The following PPP2R2D variants were observed in gnomAD, a reference collection of about 807,000 sequenced individuals.
The protein encoded by PPP2R2D is serine/threonine-protein phosphatase 2A 55 kDa regulatory subunit B delta isoform.
PPP2R2D carries 9 observed loss-of-function variants against 31.1 expected under a neutral mutation model. That is an observed-to-expected ratio of 0.29 (90% confidence interval 0.17 to 0.51). PPP2R2D has a LOEUF of 0.51. Ranked by LOEUF, PPP2R2D falls within the 20% of genes least tolerant of loss-of-function variation. The pLI is 0.98. For missense variants in PPP2R2D, 391 were observed against 465.6 expected (o/e 0.84, Z 1.48); for synonymous variants, 179 against 172.6 (o/e 1.04, Z -0.29).
chr10:131,901,861 G>C (rs1191835662), intron 2 of PPP2R2D, among the ~76,000 whole-genome samples: 3 of 152,182 alleles, frequency 2.0e-5, no homozygotes, highest in African/African-American at 7.2e-5. Flanking sequence ...TGATTCTTAA[G>C]GTCTGCTTTC....
At chr10:131,907,617 C>A (rs907141988) in intron 2 of PPP2R2D, among the ~76,000 whole-genome samples, 1 of 152,102 alleles carries the variant, frequency 6.6e-6, no homozygotes, top group Non-Finnish European at 1.5e-5. Context: ...GTCGCGGGCA[C>A]CTGTAGTCCC....
chr10:131,925,294 T>C (rs2036083708), intron 2 of PPP2R2D, among the ~76,000 whole-genome samples: 1 of 152,246 alleles, frequency 6.6e-6, no homozygotes, highest in Non-Finnish European at 1.5e-5. Context: ...TTTTAGGTAC[T>C]CTTTGTCAAG....
the PPP2R2D span, chr10:131,969,342 T>C: frequency 6.6e-6 from 1 of 152,094 alleles, no homozygotes; most frequent in African/African-American, 2.4e-5. Context: ...GCTTAAACCT[T>C]GTATTTAAAA....
In PPP2R2D at chr10:131,934,769, T is replaced by A. The variant is rs1589947300; in HGVS notation, c.198+214T>A. On this transcript the variant is annotated intron_variant, in intron 3 of 8. Coordinates refer to ENST00000455566, the MANE Select transcript of PPP2R2D (RefSeq NM_018461.5). ...GTCTCCAAGGCCTTTGTCTTCAGAG[T>A]AGGGAGGAGATTCCGCTGGGGACCC... The A allele has an allele frequency of 6.8e-6, 4 of 587,832 alleles. No homozygotes were observed. In the East Asian group the frequency reaches 1.4e-4, roughly 21 times the overall value. The allele number at this position is 587,832 out of a possible 1,614,324, so 36.4% of individuals were successfully genotyped here.
the PPP2R2D span, chr10:131,970,724 C>G: frequency 1.9e-6 from 3 of 1,614,206 alleles, no homozygotes; most frequent in East Asian, 2.2e-5. The surrounding 1 kb of genome is among the most constrained non-coding windows in gnomAD (Gnocchi z 4.1). Context: ...CCCCTTTCTT[C>G]ATGACGCTCG....
At chr10:131,927,765 C>T (rs1023677986) in intron 2 of PPP2R2D, among the ~76,000 whole-genome samples, 2 of 152,152 alleles carry the variant, frequency 1.3e-5, no homozygotes, top group Admixed American at 1.3e-4. Context: ...TGTAACTAAC[C>T]TGGGGTGTTA....
At chr10:131,915,826 C>T (rs1382007684) in intron 2 of PPP2R2D, among the ~76,000 whole-genome samples, 2 of 152,154 alleles carry the variant, frequency 1.3e-5, no homozygotes, top group African/African-American at 2.4e-5. Context: ...ATTAGATAAT[C>T]GTTGAAGTAG....
intron 2 of PPP2R2D, among the ~76,000 whole-genome samples, chr10:131,909,417 G>T (rs995048548): frequency 6.6e-6 from 1 of 152,028 alleles, no homozygotes; most frequent in Non-Finnish European, 1.5e-5. Context: ...GGAAGTTACT[G>T]CAATAATAAA....
downstream of PPP2R2D, among the ~76,000 whole-genome samples, chr10:131,962,278 C>A (rs1022643910): frequency 6.6e-6 from 1 of 152,154 alleles, no homozygotes; most frequent in African/African-American, 2.4e-5. Context: ...TCATCACGCA[C>A]GGGAAACAGG....
rs1297241241 is a variant in PPP2R2D at position 131,956,316 on chromosome 10, C to T, written c.*353C>T. On this transcript the variant is annotated 3_prime_UTR_variant, in exon 9 of 9. Coordinates refer to ENST00000455566, the MANE Select transcript of PPP2R2D (RefSeq NM_018461.5). Reference sequence around the variant, plus strand: ...AGAAAAGTTATTGTCAGATACCGCTCTTTCTCCAACTTTCCCTCTTTCTCT... The same window carrying T: ...AGAAAAGTTATTGTCAGATACCGCTTTTTCTCCAACTTTCCCTCTTTCTCT... The T allele has an allele frequency of 4.0e-6, 4 of 998,520 alleles. No homozygotes were observed. In the African/African-American group the frequency reaches 6.9e-5, roughly 17 times the overall value. The allele number at this position is 998,520 out of a possible 1,614,324, so 61.9% of individuals were successfully genotyped here.
Position 131,945,850 on chromosome 10 carries a change from A to C in PPP2R2D, c.820+391A>C, listed in dbSNP as rs2036529407. The C allele has an allele frequency of 6.0e-6, 1 of 165,642 alleles. No individual in the cohort carries two copies. Among genetic ancestry groups the C allele is most frequent in the Non-Finnish European group, 1.3e-5 (1 of 75,890 alleles). The allele number at this position is 165,642 out of a possible 1,614,324, so 10.3% of individuals were successfully genotyped here. Reference sequence around the variant, plus strand: ...TCCTGTTCCCCAAGTGCCTTTGCACAACTGGGGAGCCCTCCTTTGCTGGGG... The same window carrying C: ...TCCTGTTCCCCAAGTGCCTTTGCACCACTGGGGAGCCCTCCTTTGCTGGGG... On this transcript the variant is annotated intron_variant, in intron 7 of 8. Transcript: ENST00000455566. The surrounding 1 kb of genome is among the most constrained non-coding windows in gnomAD (Gnocchi z 4.8).
chr10:131,966,091 T>C, the PPP2R2D span, among the ~76,000 whole-genome samples: 1 of 152,196 alleles, frequency 6.6e-6, no homozygotes, highest in Non-Finnish European at 1.5e-5. Context: ...TAGAAGTGGT[T>C]TGTGTGTCCA....
intron 3 of PPP2R2D, among the ~76,000 whole-genome samples, chr10:131,939,569 G>A (rs1416235040): frequency 6.8e-6 from 1 of 146,366 alleles, no homozygotes; most frequent in Non-Finnish European, 1.5e-5. Context: ...GGCTGTATTT[G>A]GCAGACCTGC....
At chr10:131,925,131 T>A (rs1554894729) in intron 2 of PPP2R2D, among the ~76,000 whole-genome samples, 3 of 152,238 alleles carry the variant, frequency 2.0e-5, no homozygotes, top group Non-Finnish European at 1.5e-5. Flanking sequence ...TTAATCTGGA[T>A]GCCTTTTATT....
downstream of PPP2R2D, among the ~76,000 whole-genome samples, chr10:131,963,408 T>G (rs1344785768): frequency 6.6e-6 from 1 of 152,216 alleles, no homozygotes; most frequent in Admixed American, 6.5e-5. Flanking sequence ...GCCCCCTGGA[T>G]CATTTTGGAT....
At chr10:131,906,610 A>C (rs2035588345) in intron 2 of PPP2R2D, among the ~76,000 whole-genome samples, 2 of 152,084 alleles carry the variant, frequency 1.3e-5, no homozygotes, top group South Asian at 4.2e-4. Context: ...CAGCACCAGA[A>C]AGTTACTGTT....
intron 2 of PPP2R2D, among the ~76,000 whole-genome samples, chr10:131,924,735 T>TATA (rs1400529311): frequency 1.3e-5 from 2 of 151,746 alleles, no homozygotes; most frequent in Non-Finnish European, 2.9e-5. Context: ...ATAGGGTTAA[T>TATA]ACCTTGACTA....
intron 2 of PPP2R2D, among the ~76,000 whole-genome samples, chr10:131,925,454 T>G (rs1209975322): frequency 6.6e-6 from 1 of 152,230 alleles, no homozygotes; most frequent in Non-Finnish European, 1.5e-5. Flanking sequence ...CATTGATTTG[T>G]TTTTGTATGT....
intron 2 of PPP2R2D, among the ~76,000 whole-genome samples, chr10:131,922,193 A>G (rs890881757): frequency 6.6e-6 from 1 of 152,240 alleles, no homozygotes; most frequent in African/African-American, 2.4e-5. Context: ...AAAACACAAT[A>G]AAAGATTGAC....
Sources: gnomAD v4.1 joint callset for allele counts (sites outside exome capture counted in the v4.1 genomes callset) on GRCh38, gnomAD v4.1.1 for gene constraint, Gnocchi (gnomAD v3.1) non-coding constraint, MANE v1.5 for transcripts, NCBI Gene and HGNC (gene_info 2026-07-23, HGNC 2026-07-21) for gene names.